THADA: variants seen among roughly 807,000 people sequenced by gnomAD.
THADA encodes the protein tRNA (32-2'-O)-methyltransferase regulator THADA.
In THADA, 213 loss-of-function variants were observed where a neutral mutation model predicts 219.8. The ratio of observed to expected loss-of-function variants is 0.97; its 90% CI spans 0.87 to 1.09. The LOEUF (loss-of-function observed/expected upper bound fraction) is 1.09. THADA is among the 50% of genes least tolerant of loss of function. The probability of loss-of-function intolerance (pLI) is 0.00; values close to 1 mark genes in which losing one functional copy is unlikely to be tolerated. For missense variants in THADA, 2,956 were observed against 2,311.3 expected (o/e 1.28, Z -5.72); for synonymous variants, 1,018 against 828.9 (o/e 1.23, Z -3.92).
chr2:43,339,704 C>T (rs748073952), intron 30 of THADA, among the ~76,000 whole-genome samples: 12 of 152,168 alleles, frequency 7.9e-5, no homozygotes, highest in Non-Finnish European at 5.9e-5. Flanking sequence ...TAGCCAAATT[C>T]ACTTCTGAAA....
intron 34 of THADA, among the ~76,000 whole-genome samples, chr2:43,290,123 C>A (rs1443304306): frequency 1.3e-5 from 2 of 151,884 alleles, no homozygotes; most frequent in African/African-American, 2.4e-5. Flanking sequence ...CAGGCGCCCA[C>A]CACCACACCC....
rs376733510 is a variant in THADA, at chr2:43,549,265, A to T, written c.3051T>A (p.Asp1017Glu). ...AKILKEHDSF[D>E]MKDLNASVVN... is the part of the protein sequence containing the mutation. Reference sequence around the variant, plus strand: ...CCACACTAGCATTCAAGTCCTTCATATCAAAGCTATCATGTTCTTTCAATA... The same window carrying T: ...CCACACTAGCATTCAAGTCCTTCATTTCAAAGCTATCATGTTCTTTCAATA... The change falls in exon 20 of 38, where the codon GAT (aspartate) becomes GAA (glutamate). Residue 1017 changes from aspartate to glutamate, a missense_variant. Transcript: ENST00000405975. The T allele has an allele frequency of 1.3e-6, 2 of 1,594,508 alleles. No homozygotes were observed. The highest frequency in any genetic ancestry group is 1.3e-5 in the African/African-American group (1 of 74,938).
intron 26 of THADA, among the ~76,000 whole-genome samples, chr2:43,453,533 G>T (rs925070824): frequency 9.9e-5 from 15 of 152,200 alleles, no homozygotes; most frequent in Non-Finnish European, 2.1e-4. Context: ...GGCTCCTGGG[G>T]CTGGCAGCAG....
At chr2:43,388,873 T>A (rs1673015276) in intron 29 of THADA, among the ~76,000 whole-genome samples, 1 of 152,182 alleles carries the variant, frequency 6.6e-6, no homozygotes, top group Admixed American at 6.5e-5. Context: ...AACACATTTT[T>A]CTTTAGCTCA....
At chr2:43,258,977 A>G (rs568134170) in intron 36 of THADA, among the ~76,000 whole-genome samples, 5 of 152,300 alleles carry the variant, frequency 3.3e-5, no homozygotes, top group African/African-American at 1.2e-4. Flanking sequence ...AAGATTCTGG[A>G]GGTTCTGTGG....
At chr2:43,377,438 A>AAAGGGAAT (rs1445388486) in intron 29 of THADA, among the ~76,000 whole-genome samples, 1 of 152,108 alleles carries the variant, frequency 6.6e-6, no homozygotes, top group Non-Finnish European at 1.5e-5. Context: ...CAATGGCAAG[A>AAAGGGAAT]AAGGGAATCT....
At chr2:43,534,942 A>G (rs913493551) in intron 21 of THADA, among the ~76,000 whole-genome samples, 3 of 152,072 alleles carry the variant, frequency 2.0e-5, no homozygotes, top group Non-Finnish European at 4.4e-5. Context: ...CAGTAGCTAT[A>G]CTAGTTTACA....
At chr2:43,552,061 A>C (rs1246371256) in intron 18 of THADA, 136 bp from the exon 19 acceptor site, 2 of 1,527,576 alleles carry the variant, frequency 1.3e-6, no homozygotes, top group Admixed American at 2.4e-5. Context: ...AAATATACAC[A>C]GATACGTATG....
intron 25 of THADA, among the ~76,000 whole-genome samples, chr2:43,489,674 T>TG (rs768381561): frequency 1.7e-4 from 26 of 152,026 alleles, no homozygotes; most frequent in Non-Finnish European, 2.9e-4. Flanking sequence ...TTATTAAATG[T>TG]GGGGGTTTAT....
intron 36 of THADA, among the ~76,000 whole-genome samples, chr2:43,258,380 G>A (rs1015312309): frequency 2.0e-5 from 3 of 152,080 alleles, no homozygotes; most frequent in Admixed American, 2.0e-4. Context: ...AAATTAGCCA[G>A]GTGTGGTGGT....
intron 31 of THADA, among the ~76,000 whole-genome samples, chr2:43,301,933 T>C (rs1329936979): frequency 6.6e-6 from 1 of 152,216 alleles, no homozygotes; most frequent in Non-Finnish European, 1.5e-5. Context: ...TATTTTCATT[T>C]CTATGAGTGC....
At chr2:43,492,918 G>C (rs1276072114) in intron 25 of THADA, among the ~76,000 whole-genome samples, 1 of 152,158 alleles carries the variant, frequency 6.6e-6, no homozygotes, top group African/African-American at 2.4e-5. Flanking sequence ...TAGAAAAAAG[G>C]TCCCTCTTCC....
At chr2:43,594,218 C>G (rs531541248) in intron 1 of THADA, among the ~76,000 whole-genome samples, 1 of 152,154 alleles carries the variant, frequency 6.6e-6, no homozygotes, top group African/African-American at 2.4e-5. Context: ...AAAAAACTCT[C>G]ATCAAATTGA....
intron 8 of THADA, among the ~76,000 whole-genome samples, chr2:43,581,107 C>A (rs1244806453): frequency 6.6e-6 from 1 of 152,134 alleles, no homozygotes; most frequent in Non-Finnish European, 1.5e-5. Context: ...TTAGGTGTCA[C>A]TTTTTCGTTA....
chr2:43,286,620 G>C (rs1398896529), intron 35 of THADA, among the ~76,000 whole-genome samples: 1 of 152,076 alleles, frequency 6.6e-6, no homozygotes, highest in Non-Finnish European at 1.5e-5. Context: ...GGCTACTCAG[G>C]AGACTGAGGC....
intron 31 of THADA, among the ~76,000 whole-genome samples, chr2:43,294,094 TTTTC>T (rs1306461298): frequency 2.0e-5 from 3 of 152,216 alleles, no homozygotes; most frequent in African/African-American, 7.2e-5. Flanking sequence ...CCAAGATGTG[TTTTC>T]TTTGTTTATT....
chr2:43,246,688 T>A (rs748747037), intron 36 of THADA, among the ~76,000 whole-genome samples: 17 of 152,224 alleles, frequency 1.1e-4, no homozygotes, highest in Non-Finnish European at 1.5e-5. Context: ...ATAAACAGTG[T>A]TCAAAATGAA....
At chr2:43,332,376 C>T (rs1165859741) in intron 30 of THADA, among the ~76,000 whole-genome samples, 1 of 152,246 alleles carries the variant, frequency 6.6e-6, no homozygotes, top group Non-Finnish European at 1.5e-5. Flanking sequence ...TTCTGCAACA[C>T]ACTTTGACTA....
At chr2:43,431,296 C>G (rs914674116) in intron 26 of THADA, among the ~76,000 whole-genome samples, 1 of 152,146 alleles carries the variant, frequency 6.6e-6, no homozygotes, top group African/African-American at 2.4e-5. Flanking sequence ...TACATACACT[C>G]GTAATCCACA....
Sources: allele counts gnomAD v4.1 joint callset (sites outside exome capture counted in the v4.1 genomes callset), GRCh38; gene constraint gnomAD v4.1.1; transcripts MANE v1.5; gene names NCBI Gene and HGNC (gene_info 2026-07-23, HGNC 2026-07-21).